The following CD247 variants were observed in gnomAD, a reference collection of about 807,000 sequenced individuals.
CD247 encodes T-cell surface glycoprotein CD3 zeta chain.
In CD247, 13 loss-of-function variants were observed where a neutral mutation model predicts 30.0. The ratio of observed to expected loss-of-function variants is 0.43; its 90% CI spans 0.28 to 0.69. CD247 has a LOEUF of 0.69. Ranked by LOEUF, CD247 falls within the 30% of genes least tolerant of loss-of-function variation. The pLI, the probability that CD247 is intolerant of heterozygous loss-of-function variation, is 0.16. For missense variants in CD247, 193 were observed against 212.6 expected (o/e 0.91, Z 0.57); for synonymous variants, 72 against 80.0 (o/e 0.90, Z 0.53).
chr1:167,455,352 C>G (rs977405418), intron 1 of CD247, among the ~76,000 whole-genome samples: 70 of 152,222 alleles, frequency 4.6e-4, no homozygotes, highest in African/African-American at 1.6e-3. Flanking sequence ...GGGCAGCTCT[C>G]CCACTACGCC....
At chr1:167,488,673 G>A (rs893074637) in intron 1 of CD247, among the ~76,000 whole-genome samples, 15 of 152,198 alleles carry the variant, frequency 9.9e-5, no homozygotes, top group East Asian at 3.8e-4. Context: ...ACACAGATGG[G>A]CCTAGGAGAA....
chr1:167,515,159 G>A (rs1339695217), intron 1 of CD247, among the ~76,000 whole-genome samples: 3 of 152,094 alleles, frequency 2.0e-5, no homozygotes, highest in Non-Finnish European at 4.4e-5. Flanking sequence ...ACAATCTGAT[G>A]GTGAAAATGC....
chr1:167,466,170 T>C (rs1009326490), intron 1 of CD247, among the ~76,000 whole-genome samples: 1 of 152,158 alleles, frequency 6.6e-6, no homozygotes, highest in East Asian at 1.9e-4. Context: ...GGGATTTGAG[T>C]TGCAACTTTG....
chr1:167,492,460 C>G (rs143687773), intron 1 of CD247, among the ~76,000 whole-genome samples: 1 of 152,066 alleles, frequency 6.6e-6, no homozygotes, highest in Non-Finnish European at 1.5e-5. Context: ...AGGTAGGCAA[C>G]AGTTTGCAAA....
At chr1:167,458,083 A>T (rs934794730) in intron 1 of CD247, among the ~76,000 whole-genome samples, 1 of 152,228 alleles carries the variant, frequency 6.6e-6, no homozygotes, top group Non-Finnish European at 1.5e-5. Context: ...ACCTTAGGGA[A>T]GTTGCTTCAC....
chr1:167,451,289 T>A (rs1265094544), intron 1 of CD247, among the ~76,000 whole-genome samples: 1 of 152,212 alleles, frequency 6.6e-6, no homozygotes, highest in Admixed American at 6.5e-5. Flanking sequence ...CACATTATGT[T>A]TTTATTTAAA....
chr1:167,448,595 A>G, intron 1 of CD247: 1 of 901,618 alleles, frequency 1.1e-6, no homozygotes, highest in Non-Finnish European at 1.3e-6. Context: ...ATCACCCTGA[A>G]CTGCAGAACG....
At chr1:167,476,682 G>A (rs550832585) in intron 1 of CD247, among the ~76,000 whole-genome samples, 246 of 152,310 alleles carry the variant, frequency 1.6e-3, no homozygotes, top group African/African-American at 5.4e-3. Context: ...AAATTAGCCA[G>A]GCGTGGTGGC....
chr1:167,495,281 G>T (rs1315967535), intron 1 of CD247, among the ~76,000 whole-genome samples: 3 of 152,178 alleles, frequency 2.0e-5, no homozygotes, highest in African/African-American at 7.2e-5. Context: ...TCCTGAGGTT[G>T]TTACCTTACA....
chr1:167,494,098 G>C lies in CD247; in HGVS notation c.58+24310C>G, dbSNP rs1235277896. On this transcript the variant is annotated intron_variant, in intron 1 of 7. Transcript: ENST00000362089. The surrounding 1 kb of genome is among the most constrained non-coding windows in gnomAD (Gnocchi z 7.3). ...GAGCTTGGGGCTATGATCTGGACTGGGTACCCAGAGCTAATAGGAGAAGAG... is the reference window on the plus strand; with the variant it reads ...GAGCTTGGGGCTATGATCTGGACTGCGTACCCAGAGCTAATAGGAGAAGAG... Among the ~76,000 whole-genome samples, 2 of 151,968 alleles carry C rather than the reference G, an allele frequency of 1.3e-5. No individual in the cohort carries two copies. Among genetic ancestry groups the C allele is most frequent in the Non-Finnish European group, 2.9e-5 (2 of 68,008 alleles).
At chr1:167,454,787 CTT>C in intron 1 of CD247, among the ~76,000 whole-genome samples, 1 of 152,308 alleles carries the variant, frequency 6.6e-6, no homozygotes, top group African/African-American at 2.4e-5. Context: ...CCCTCTGGGC[CTT>C]GGGAGCTCAG....
chr1:167,463,353 C>T (rs1653108074), intron 1 of CD247, among the ~76,000 whole-genome samples: 1 of 152,208 alleles, frequency 6.6e-6, no homozygotes, highest in South Asian at 2.1e-4. Context: ...AGGATGCACC[C>T]AATTAGCAGT....
chr1:167,501,062 T>C (rs1485503237), intron 1 of CD247, among the ~76,000 whole-genome samples: 1 of 146,966 alleles, frequency 6.8e-6, no homozygotes, highest in Non-Finnish European at 1.5e-5. Context: ...TCTTTTTTTT[T>C]TTTTTTTTTT....
chr1:167,513,672 A>C (rs963589108), intron 1 of CD247, among the ~76,000 whole-genome samples: 1 of 152,198 alleles, frequency 6.6e-6, no homozygotes, highest in African/African-American at 2.4e-5. Flanking sequence ...ATTAGTTAAC[A>C]ATCTCCAACA....
At chr1:167,473,546 A>C (rs1209829500) in intron 1 of CD247, among the ~76,000 whole-genome samples, 1 of 152,156 alleles carries the variant, frequency 6.6e-6, no homozygotes, top group African/African-American at 2.4e-5. Context: ...CATTAGAAAA[A>C]AAAATGGGAA....
At chr1:167,481,088 G>A (rs1653954454) in intron 1 of CD247, among the ~76,000 whole-genome samples, 1 of 152,146 alleles carries the variant, frequency 6.6e-6, no homozygotes, top group Non-Finnish European at 1.5e-5. Context: ...GGAATTTGAG[G>A]TCAGCCTGGG....
intron 3 of CD247, 65 bp downstream of exon 3, chr1:167,439,279 G>C: frequency 4.1e-6 from 6 of 1,458,614 alleles, no homozygotes; most frequent in Middle Eastern, 1.7e-4. Flanking sequence ...TGGCGGGCGC[G>C]TTCCCTAGGT....
chr1:167,468,532 G>A (rs1490216011), intron 1 of CD247, among the ~76,000 whole-genome samples: 2 of 152,026 alleles, frequency 1.3e-5, no homozygotes, highest in African/African-American at 2.4e-5. Flanking sequence ...AGTTTAATTC[G>A]AAGACTCCTC....
chr1:167,492,890 G>C (rs1654514172), intron 1 of CD247, among the ~76,000 whole-genome samples: 1 of 152,192 alleles, frequency 6.6e-6, no homozygotes, highest in African/African-American at 2.4e-5. Context: ...GGGGCAGAGA[G>C]GAAGGGGAGG....
Sources: allele counts gnomAD v4.1 joint callset (sites outside exome capture counted in the v4.1 genomes callset), GRCh38; gene constraint gnomAD v4.1.1; non-coding constraint Gnocchi (gnomAD v3.1); transcripts MANE v1.5; gene names NCBI Gene and HGNC (gene_info 2026-07-23, HGNC 2026-07-21).